The following SHANK2 variants were observed in gnomAD, a reference collection of about 807,000 sequenced individuals.
The protein encoded by SHANK2 is SH3 and multiple ankyrin repeat domains protein 2.
SHANK2 carries 43 observed loss-of-function variants against 133.7 expected under a neutral mutation model. That is an observed-to-expected ratio of 0.32 (90% CI 0.25 to 0.41). The LOEUF (loss-of-function observed/expected upper bound fraction) is 0.41, where lower values mean the gene tolerates loss of function less well. Among genes scored for constraint, SHANK2 ranks in the 10% least tolerant of loss-of-function variants. SHANK2 has a pLI of 1.00. For missense variants in SHANK2, 1,994 were observed against 2,235.8 expected (o/e 0.89, Z 2.18); for synonymous variants, 1,017 against 952.8 (o/e 1.07, Z -1.24).
At chr11:70,664,597 C>G (rs1417394494) in intron 15 of SHANK2, among the ~76,000 whole-genome samples, 1 of 152,226 alleles carries the variant, frequency 6.6e-6, no homozygotes, top group African/African-American at 2.4e-5. Context: ...GTCATGCGCT[C>G]CAGGCGTGCT....
In SHANK2 at chr11:71,197,188, G is replaced by A. The variant is rs540992432; in HGVS notation, c.-13+27509C>T. 1.6e-3 allele frequency among the ~76,000 whole-genome samples: 251 copies of A among 152,202 alleles called. 1 individual carries two copies. Among genetic ancestry groups the A allele is most frequent in the African/African-American group, 5.8e-3 (241 of 41,548 alleles). On this transcript the variant is annotated intron_variant, in intron 2 of 25. Coordinates refer to ENST00000601538, the MANE Select transcript of SHANK2 (RefSeq NM_012309.5). Reference sequence around the variant, plus strand: ...ACTGAAGGTAGAAGAACTTAGTTCCGTGACTCAGTGTGACCCAACGTGTTT... The same window carrying A: ...ACTGAAGGTAGAAGAACTTAGTTCCATGACTCAGTGTGACCCAACGTGTTT...
intron 10 of SHANK2, chr11:70,942,635 T>C (rs1269276252): frequency 2.2e-6 from 1 of 456,918 alleles, no homozygotes; most frequent in Admixed American, 2.3e-5. Flanking sequence ...TCATTTCCAC[T>C]TCACTTCTAA....
intron 10 of SHANK2, among the ~76,000 whole-genome samples, chr11:70,915,184 C>T (rs1348602951): frequency 1.3e-5 from 2 of 152,064 alleles, no homozygotes; most frequent in Non-Finnish European, 2.9e-5. Context: ...CTCAAAAATA[C>T]GGATGCCTTC....
In SHANK2 at chr11:71,055,881, T is replaced by C. The variant is rs905259783; in HGVS notation, c.1107+600A>G. Among the ~76,000 whole-genome samples the C allele has an allele frequency of 4.3e-3, 643 of 151,034 alleles. 5 individuals are homozygous for C. Among genetic ancestry groups the C allele is most frequent in the African/African-American group, 0.015 (619 of 41,066 alleles). On this transcript the variant is annotated intron_variant, in intron 10 of 25. Coordinates refer to ENST00000601538, the MANE Select transcript of SHANK2 (RefSeq NM_012309.5). ...TAAGTTCTTAGCTAGACAATGGGGA[T>C]GGTTTTGCACAGCATCATGAATATT...
At chr11:70,779,045 T>C (rs926943539) in intron 14 of SHANK2, among the ~76,000 whole-genome samples, 1 of 152,106 alleles carries the variant, frequency 6.6e-6, no homozygotes, top group East Asian at 1.9e-4. Context: ...CCACCACTGC[T>C]GGGAGGGGAC....
chr11:71,219,961 C>T (rs1954502170), intron 2 of SHANK2, among the ~76,000 whole-genome samples: 1 of 152,090 alleles, frequency 6.6e-6, no homozygotes, highest in Non-Finnish European at 1.5e-5. Flanking sequence ...TGGTGGCTCA[C>T]ACCTGTAATT....
At position 70,751,744 on chromosome 11, in the gene SHANK2, C is replaced by T. The variant is rs539858745; in HGVS notation, c.1777+46699G>A. Among the ~76,000 whole-genome samples the T allele has an allele frequency of 5.1e-4, 77 of 151,916 alleles. 1 individual carries two copies. The highest frequency in any genetic ancestry group is 1.6e-3 in the African/African-American group (66 of 41,438). On this transcript the variant is annotated intron_variant, in intron 14 of 25. Transcript: ENST00000601538. ...ACACCAAAAAAGGGAGAGAATAAAG[C>T]GATCTATATGGTGGTAAGGTTTCCA... is the stretch of plus-strand genomic sequence containing the variant.
At chr11:71,084,192 C>T (rs906465608) in intron 8 of SHANK2, among the ~76,000 whole-genome samples, 3 of 152,092 alleles carry the variant, frequency 2.0e-5, no homozygotes, top group Non-Finnish European at 2.9e-5. Flanking sequence ...AGGATGGTCT[C>T]GATCTCCTGA....
intron 1 of SHANK2, among the ~76,000 whole-genome samples, chr11:71,227,243 A>C (rs1409772869): frequency 6.6e-6 from 1 of 152,192 alleles, no homozygotes; most frequent in Non-Finnish European, 1.5e-5. Context: ...ATTGCATTAA[A>C]TGTAAATGGT....
chr11:71,154,259 T>A (rs1240956561), intron 2 of SHANK2, among the ~76,000 whole-genome samples: 1 of 152,202 alleles, frequency 6.6e-6, no homozygotes, highest in African/African-American at 2.4e-5. Flanking sequence ...CTGACAGCAC[T>A]CCATTGGAAC....
chr11:71,120,480 G>A (rs148800233), intron 3 of SHANK2, among the ~76,000 whole-genome samples: 8 of 152,192 alleles, frequency 5.3e-5, no homozygotes, highest in African/African-American at 1.2e-4. Flanking sequence ...GTTCCTCATC[G>A]CTGGGAAAAT....
intron 10 of SHANK2, among the ~76,000 whole-genome samples, chr11:70,905,438 A>G (rs1950087668): frequency 6.6e-6 from 1 of 152,116 alleles, no homozygotes; most frequent in Non-Finnish European, 1.5e-5. Context: ...ATTCTGAATG[A>G]CGAAATGACT....
intron 17 of SHANK2, among the ~76,000 whole-genome samples, chr11:70,509,245 CT>C (rs1267563681): frequency 1.3e-5 from 2 of 152,252 alleles, no homozygotes; most frequent in African/African-American, 4.8e-5. Context: ...CTGCTGCCCA[CT>C]GAGGCTCACC....
At position 70,606,022 on chromosome 11, in the gene SHANK2, G is replaced by C. The variant is rs373629427; in HGVS notation, c.2061+53806C>G. ...GAATCCTGGGGAAAGATAACCATCC[G>C]AGGGTCGGGCTCCCCAGACAGACGA... On this transcript the variant is annotated intron_variant, in intron 17 of 25. Coordinates refer to ENST00000601538, the MANE Select transcript of SHANK2 (RefSeq NM_012309.5). 3.0e-4 allele frequency among the ~76,000 whole-genome samples: 45 copies of C among 152,208 alleles called. No homozygotes were observed. In the East Asian group the frequency reaches 4.6e-3, roughly 16 times the overall value.
chr11:70,695,852 T>C (rs1000671709), intron 15 of SHANK2, among the ~76,000 whole-genome samples: 1 of 152,208 alleles, frequency 6.6e-6, no homozygotes, highest in African/African-American at 2.4e-5. Flanking sequence ...CAGGGTCACA[T>C]GAGGCCCACA....
At chr11:70,924,045 G>T (rs1950391906) in intron 10 of SHANK2, among the ~76,000 whole-genome samples, 1 of 152,214 alleles carries the variant, frequency 6.6e-6, no homozygotes. Context: ...ACAGGGGCAG[G>T]AGGCTGGCCA....
chr11:70,780,505 T>C lies in SHANK2; in HGVS notation c.1777+17938A>G, dbSNP rs184624233. 3.2e-4 allele frequency among the ~76,000 whole-genome samples: 49 copies of C among 152,194 alleles called. No homozygotes were observed. The East Asian group carries it at 8.7e-3, about 27-fold the overall frequency. ...CATGTCTGTTTATTTGGTGCCAACA[T>C]GTAGATGATAACCTAAATACATGAC... On this transcript the variant is annotated intron_variant, in intron 14 of 25. Transcript: ENST00000601538.
At chr11:70,910,226 G>A (rs1184024896) in intron 10 of SHANK2, among the ~76,000 whole-genome samples, 2 of 152,158 alleles carry the variant, frequency 1.3e-5, no homozygotes, top group African/African-American at 4.8e-5. Flanking sequence ...GAATTTAGGG[G>A]GACACCACTC....
intron 10 of SHANK2, among the ~76,000 whole-genome samples, chr11:70,915,746 A>G (rs1236457343): frequency 6.6e-6 from 1 of 152,228 alleles, no homozygotes; most frequent in African/African-American, 2.4e-5. Flanking sequence ...GGCTGTGGCT[A>G]TGAGAAAGGG....
Sources: gnomAD v4.1 joint callset for allele counts (sites outside exome capture counted in the v4.1 genomes callset) on GRCh38, gnomAD v4.1.1 for gene constraint, MANE v1.5 for transcripts, NCBI Gene and HGNC (gene_info 2026-07-23, HGNC 2026-07-21) for gene names.